The following CACNA2D3 variants were observed in gnomAD, a reference collection of about 807,000 sequenced individuals.
CACNA2D3 encodes the protein voltage-dependent calcium channel subunit alpha-2/delta-3.
Under a neutral mutation model 160.6 loss-of-function variants are expected in CACNA2D3, and 60 were observed. That is an observed-to-expected ratio of 0.37 (90% CI 0.30 to 0.46). The LOEUF is 0.46. Among genes scored for constraint, CACNA2D3 ranks in the 20% least tolerant of loss-of-function variants. CACNA2D3 has a pLI of 1.00. For missense variants in CACNA2D3, 1,205 were observed against 1,365.0 expected, an observed-to-expected ratio of 0.88 and a Z score of 1.85; for synonymous variants, 558 against 492.9, an observed-to-expected ratio of 1.13 and a Z score of -1.75.
intron 11 of CACNA2D3, among the ~76,000 whole-genome samples, chr3:54,718,094 T>C (rs976911417): frequency 5.3e-5 from 8 of 152,226 alleles, no homozygotes; most frequent in African/African-American, 1.4e-4. Flanking sequence ...TATACTTTTT[T>C]TACTTAATGA....
chr3:54,123,255 CAG>C (rs1699512500), intron 1 of CACNA2D3, among the ~76,000 whole-genome samples: 1 of 152,042 alleles, frequency 6.6e-6, no homozygotes, highest in Admixed American at 6.6e-5. Context: ...GAATGAAACT[CAG>C]TGGTCTTTTT....
At chr3:54,681,418 T>C (rs547968678) in intron 11 of CACNA2D3, among the ~76,000 whole-genome samples, 5 of 121,210 alleles carry the variant, frequency 4.1e-5, no homozygotes, top group African/African-American at 1.6e-4. Context: ...AGGCCAGGCA[T>C]GGTGGCACAT....
chr3:54,551,397 C>T (rs1312350346), intron 5 of CACNA2D3, among the ~76,000 whole-genome samples: 1 of 152,158 alleles, frequency 6.6e-6, no homozygotes, highest in Non-Finnish European at 1.5e-5. Flanking sequence ...ATACTATATC[C>T]AGTATAGGTG....
At chr3:54,536,124 T>G (rs528878342) in intron 5 of CACNA2D3, among the ~76,000 whole-genome samples, 1 of 152,276 alleles carries the variant, frequency 6.6e-6, no homozygotes, top group South Asian at 2.1e-4. Context: ...AAAAAGTTAT[T>G]AAAAACATCC....
chr3:55,013,778 G>C (rs1013564734), intron 34 of CACNA2D3, among the ~76,000 whole-genome samples: 2 of 152,164 alleles, frequency 1.3e-5, no homozygotes, highest in African/African-American at 4.8e-5. Context: ...GTTGTGAACA[G>C]GGGTGCATTC....
rs1212944515 is a variant in CACNA2D3, at chr3:54,841,147, TTC to T, written c.1551+2501_1551+2502del. ...AAATACACTAAAACATTTATTGAAC[TTC>T]TTACTATGTGGTTGGTGTCATCCAA... On this transcript the variant is annotated intron_variant, in intron 16 of 37. Coordinates refer to ENST00000474759, the MANE Select transcript of CACNA2D3 (RefSeq NM_018398.3). Among the ~76,000 whole-genome samples the T allele has an allele frequency of 1.8e-4, 27 of 152,352 alleles. 1 individual carries two copies. The highest frequency in any genetic ancestry group is 6.5e-4 in the African/African-American group (27 of 41,576).
At chr3:54,776,935 C>T (rs1702436590) in intron 13 of CACNA2D3, among the ~76,000 whole-genome samples, 1 of 152,188 alleles carries the variant, frequency 6.6e-6, no homozygotes, top group East Asian at 1.9e-4. Flanking sequence ...GCTTTTCCCC[C>T]ACTTCATGGC....
At chr3:54,509,704 C>A (rs774179692) in intron 5 of CACNA2D3, among the ~76,000 whole-genome samples, 7 of 152,122 alleles carry the variant, frequency 4.6e-5, no homozygotes, top group African/African-American at 9.7e-5. Flanking sequence ...AGGACTAAGG[C>A]ATTTGGTAAG....
intron 4 of CACNA2D3, among the ~76,000 whole-genome samples, chr3:54,407,341 T>A: frequency 6.6e-6 from 1 of 152,178 alleles, no homozygotes. Flanking sequence ...AACTTTCACA[T>A]TTTTATGTTA....
intron 4 of CACNA2D3, among the ~76,000 whole-genome samples, chr3:54,433,920 G>C (rs1348342733): frequency 2.0e-5 from 3 of 152,154 alleles, no homozygotes; most frequent in African/African-American, 7.2e-5. Context: ...AATGATCTTC[G>C]CATGCTCCTA....
At chr3:54,420,979 A>C (rs533140269) in intron 4 of CACNA2D3, among the ~76,000 whole-genome samples, 2 of 152,350 alleles carry the variant, frequency 1.3e-5, no homozygotes, top group Admixed American at 1.3e-4. Context: ...TGAGTCAGGT[A>C]GGCGGCTTTT....
chr3:54,320,464 A>G lies in CACNA2D3; in HGVS notation c.227A>G (p.Asp76Gly), dbSNP rs1181150398. The G allele has an allele frequency of 6.4e-7, 1 of 1,552,196 alleles. No homozygotes were observed. The highest frequency in any genetic ancestry group is 8.7e-7 in the Non-Finnish European group (1 of 1,144,556). Residue 76 changes from aspartate to glycine, a missense_variant, in exon 3 of 38, where the codon GAC becomes GGC. Coordinates refer to ENST00000474759, the MANE Select transcript of CACNA2D3 (RefSeq NM_018398.3). ...CAGAAATACAAAGAGTATGAGAAAG[A>G]CGTTGCCATAGAAGAAATTGATGGC... The part of the protein sequence containing the change: ...LQKKYKEYEK[D>G]VAIEEIDGLQ...
chr3:54,330,524 C>T (rs1300259301), intron 3 of CACNA2D3, among the ~76,000 whole-genome samples: 1 of 152,262 alleles, frequency 6.6e-6, no homozygotes, highest in African/African-American at 2.4e-5. Context: ...AGACTGCTAA[C>T]CCTAACCCAG....
In CACNA2D3 at chr3:54,160,503, A is replaced by G. The variant is rs755476404; in HGVS notation, c.204+36909A>G. Among the ~76,000 whole-genome samples the G allele has an allele frequency of 6.0e-4, 92 of 152,314 alleles. 1 individual carries two copies. The highest frequency in any genetic ancestry group is 1.2e-3 in the Non-Finnish European group (81 of 68,032). On this transcript the variant is annotated intron_variant, in intron 2 of 37. Coordinates refer to ENST00000474759, the MANE Select transcript of CACNA2D3 (RefSeq NM_018398.3). The stretch of plus-strand genomic sequence containing the variant: ...CAACAGAGGGTGACTCTGTCTCAAA[A>G]AAAATAAAATAAAATAAAATAAAGG...
At chr3:54,511,369 G>T (rs186125745) in intron 5 of CACNA2D3, among the ~76,000 whole-genome samples, 1 of 151,504 alleles carries the variant, frequency 6.6e-6, no homozygotes, top group East Asian at 1.9e-4. Flanking sequence ...TCATTCCCTT[G>T]GGACCATAGC....
At chr3:54,995,316 T>C (rs566849331) in intron 31 of CACNA2D3, among the ~76,000 whole-genome samples, 1 of 152,138 alleles carries the variant, frequency 6.6e-6, no homozygotes, top group Non-Finnish European at 1.5e-5. Context: ...ATGTATTAGT[T>C]AGAATTGGTC....
intron 4 of CACNA2D3, among the ~76,000 whole-genome samples, chr3:54,435,838 T>C (rs1258923806): frequency 6.6e-6 from 1 of 152,196 alleles, no homozygotes; most frequent in Non-Finnish European, 1.5e-5. Flanking sequence ...TTACAAATTC[T>C]CTGCAAACAA....
At chr3:54,858,202 C>A (rs1699212861) in intron 17 of CACNA2D3, among the ~76,000 whole-genome samples, 1 of 151,986 alleles carries the variant, frequency 6.6e-6, no homozygotes, top group Admixed American at 6.6e-5. Context: ...CACCTCCTTC[C>A]CCTTGTGGGG....
chr3:54,379,762 C>G (rs1221493960), intron 3 of CACNA2D3, among the ~76,000 whole-genome samples: 1 of 152,172 alleles, frequency 6.6e-6, no homozygotes, highest in Non-Finnish European at 1.5e-5. Context: ...TGCATCCTTC[C>G]TGTTCTCCTT....
Sources: allele counts gnomAD v4.1 joint callset (sites outside exome capture counted in the v4.1 genomes callset), GRCh38; gene constraint gnomAD v4.1.1; transcripts MANE v1.5; gene names NCBI Gene and HGNC (gene_info 2026-07-23, HGNC 2026-07-21).